TBC1D5: variants seen among roughly 807,000 people sequenced by gnomAD.
TBC1D5 encodes TBC1 domain family, member 5.
A neutral mutation model predicts 100.3 loss-of-function variants in TBC1D5; 75 were observed. That is an observed-to-expected ratio of 0.75 (90% CI 0.62 to 0.91). The LOEUF (loss-of-function observed/expected upper bound fraction) is 0.91, where lower values mean the gene tolerates loss of function less well. Ranked by LOEUF, TBC1D5 falls within the 40% of genes least tolerant of loss-of-function variation. The pLI is 0.00. For synonymous variants in TBC1D5, 323 were observed against 325.6 expected, an observed-to-expected ratio of 0.99 and a Z score of 0.09; for missense variants, 910 against 942.4, an observed-to-expected ratio of 0.97 and a Z score of 0.45.
At chr3:17,657,396 C>T (rs748115210) in intron 1 of TBC1D5, among the ~76,000 whole-genome samples, 8 of 144,458 alleles carry the variant, frequency 5.5e-5, no homozygotes, top group African/African-American at 1.3e-4. Context: ...AGTGCAGTGG[C>T]GCAATCTCGG....
chr3:17,411,619 T>C (rs1341682384), intron 4 of TBC1D5, among the ~76,000 whole-genome samples: 1 of 152,084 alleles, frequency 6.6e-6, no homozygotes, highest in Non-Finnish European at 1.5e-5. Flanking sequence ...CAAAATCAGC[T>C]CCTATTCACA....
chr3:17,543,673 A>G (rs1451609684), intron 2 of TBC1D5, among the ~76,000 whole-genome samples: 3 of 152,038 alleles, frequency 2.0e-5, no homozygotes, highest in Non-Finnish European at 4.4e-5. Flanking sequence ...AAAGAAAGAA[A>G]AAATATATAA....
chr3:17,673,511 T>C (rs1327573478), intron 1 of TBC1D5, among the ~76,000 whole-genome samples: 1 of 151,212 alleles, frequency 6.6e-6, no homozygotes, highest in East Asian at 1.9e-4. Context: ...AGTGAGGGTT[T>C]CGCCGTATTG....
intron 13 of TBC1D5, among the ~76,000 whole-genome samples, chr3:17,326,013 T>C (rs2086084153): frequency 6.6e-6 from 1 of 151,844 alleles, no homozygotes; most frequent in Non-Finnish European, 1.5e-5. Flanking sequence ...GAGGAAAAAA[T>C]GGTGAAGTAG....
At chr3:17,261,486 G>A (rs369172581) in intron 15 of TBC1D5, among the ~76,000 whole-genome samples, 1 of 151,074 alleles carries the variant, frequency 6.6e-6, no homozygotes, top group African/African-American at 2.4e-5. Context: ...GGGTGGGGTG[G>A]GGGGGGAGAC....
At chr3:17,581,249 T>A (rs1452485629) in intron 2 of TBC1D5, among the ~76,000 whole-genome samples, 1 of 152,208 alleles carries the variant, frequency 6.6e-6, no homozygotes, top group African/African-American at 2.4e-5. Context: ...TGTGAGTCCA[T>A]TAAACCACTT....
intron 4 of TBC1D5, among the ~76,000 whole-genome samples, chr3:17,425,286 G>A (rs1382150966): frequency 1.3e-5 from 2 of 152,162 alleles, no homozygotes; most frequent in Non-Finnish European, 2.9e-5. Flanking sequence ...AGTATTCAAA[G>A]TATTTGGAAT....
At chr3:17,495,730 C>T (rs1205022916) in intron 3 of TBC1D5, among the ~76,000 whole-genome samples, 1 of 152,150 alleles carries the variant, frequency 6.6e-6, no homozygotes, top group African/African-American at 2.4e-5. Context: ...GTCAGAAATA[C>T]CTACATTAGA....
chr3:17,649,148 T>TA (rs1260560965), intron 1 of TBC1D5, among the ~76,000 whole-genome samples: 4 of 152,082 alleles, frequency 2.6e-5, no homozygotes, highest in African/African-American at 4.8e-5. Flanking sequence ...TATGCAGCCA[T>TA]AAAAAAAGAA....
chr3:17,613,495 C>T (rs1270870388), intron 2 of TBC1D5, among the ~76,000 whole-genome samples: 3 of 152,214 alleles, frequency 2.0e-5, no homozygotes. Context: ...AATTTACACT[C>T]CCATCAACAG....
At chr3:17,551,731 A>G (rs2096475480) in intron 2 of TBC1D5, among the ~76,000 whole-genome samples, 1 of 152,166 alleles carries the variant, frequency 6.6e-6, no homozygotes, top group Non-Finnish European at 1.5e-5. Context: ...CCAGTGGGCC[A>G]TTGTTCTCTG....
chr3:17,531,937 T>C (rs199583898), intron 2 of TBC1D5, among the ~76,000 whole-genome samples: 10,392 of 152,166 alleles, frequency 0.068, 703 homozygotes, highest in African/African-American at 0.18. Flanking sequence ...AAGGACTTCA[T>C]GTCTAAAACA....
chr3:17,270,225 T>C (rs2079252561), intron 15 of TBC1D5, among the ~76,000 whole-genome samples: 1 of 152,186 alleles, frequency 6.6e-6, no homozygotes, highest in African/African-American at 2.4e-5. Flanking sequence ...ACAGATTTGA[T>C]TTGCATCTCT....
chr3:17,631,481 CAGAT>C (rs2063505882), intron 1 of TBC1D5, among the ~76,000 whole-genome samples: 1 of 152,198 alleles, frequency 6.6e-6, no homozygotes, highest in Non-Finnish European at 1.5e-5. Flanking sequence ...CACTGAATAA[CAGAT>C]ATTCAATGTA....
intron 2 of TBC1D5, among the ~76,000 whole-genome samples, chr3:17,612,908 A>G (rs1390226486): frequency 4.7e-5 from 7 of 148,094 alleles, no homozygotes; most frequent in Non-Finnish European, 1.0e-4. Flanking sequence ...TTTTTTTATT[A>G]AAGTTCTAGG....
intron 15 of TBC1D5, among the ~76,000 whole-genome samples, chr3:17,282,673 A>G: frequency 6.6e-6 from 1 of 152,260 alleles, no homozygotes; most frequent in South Asian, 2.1e-4. Flanking sequence ...AAACATCTCC[A>G]AACTGACTTT....
intron 2 of TBC1D5, among the ~76,000 whole-genome samples, chr3:17,566,172 T>G (rs1304322853): frequency 6.6e-6 from 1 of 152,070 alleles, no homozygotes; most frequent in Non-Finnish European, 1.5e-5. Flanking sequence ...TATTCAGTTA[T>G]GTGAGCATTT....
intron 1 of TBC1D5, among the ~76,000 whole-genome samples, chr3:17,634,015 G>A (rs960908014): frequency 1.3e-5 from 2 of 152,100 alleles, no homozygotes; most frequent in African/African-American, 4.8e-5. Flanking sequence ...ACTACAATAT[G>A]ATATCATCTC....
intron 1 of TBC1D5, among the ~76,000 whole-genome samples, chr3:17,659,688 T>A (rs974156787): frequency 2.6e-5 from 4 of 152,090 alleles, no homozygotes; most frequent in Non-Finnish European, 5.9e-5. Flanking sequence ...AAACAAATAC[T>A]ACCAACCAGG....
Sources: gnomAD v4.1 joint callset for allele counts (sites outside exome capture counted in the v4.1 genomes callset) on GRCh38, gnomAD v4.1.1 for gene constraint, MANE v1.5 for transcripts, NCBI Gene and HGNC (gene_info 2026-07-23, HGNC 2026-07-21) for gene names.